ANO5: variants seen among roughly 807,000 people sequenced by gnomAD.
The protein encoded by ANO5 is anoctamin-5.
A neutral mutation model predicts 121.0 loss-of-function variants in ANO5; 109 were observed. That is an observed-to-expected ratio of 0.90 (90% CI 0.77 to 1.06). ANO5 has a LOEUF of 1.06. ANO5 is among the 50% of genes least tolerant of loss of function. The probability of loss-of-function intolerance (pLI) is 0.00; values close to 1 mark genes in which losing one functional copy is unlikely to be tolerated. For missense variants in ANO5, 1,064 were observed against 1,078.5 expected, an observed-to-expected ratio of 0.99 and a Z score of 0.19; for synonymous variants, 406 against 359.9, an observed-to-expected ratio of 1.13 and a Z score of -1.45.
chr11:22,249,389 A>G (rs1853724887), intron 9 of ANO5, among the ~76,000 whole-genome samples: 1 of 152,124 alleles, frequency 6.6e-6, no homozygotes, highest in African/African-American at 2.4e-5. Context: ...ACTAGAACAC[A>G]AAAGGTATCA....
At chr11:22,263,064 TTTTA>T in intron 17 of ANO5, 21 bp downstream of exon 17, 1 of 1,559,708 alleles carries the variant, frequency 6.4e-7, no homozygotes, top group Non-Finnish European at 8.8e-7. Context: ...CTTACAAGCT[TTTTA>T]TTTGATTTAA....
At chr11:22,226,631 A>G (rs1272559280) in intron 6 of ANO5, among the ~76,000 whole-genome samples, 1 of 152,112 alleles carries the variant, frequency 6.6e-6, no homozygotes, top group East Asian at 1.9e-4. Context: ...AGGCCAAAGC[A>G]GGAGGATTGC....
rs528799537 is a variant in ANO5 at position 22,198,193 on chromosome 11, C to T, written c.40+4661C>T. 3.3e-5 allele frequency among the ~76,000 whole-genome samples: 5 copies of T among 152,276 alleles called. No homozygotes were observed. In the South Asian group the frequency reaches 1.0e-3, roughly 32 times the overall value. Reference sequence around the variant, plus strand: ...TTGACAAAATGTGTCTCTGTTGGTTCTCTGGAGCTGACAGTCTTGTGGAGG... The same window carrying T: ...TTGACAAAATGTGTCTCTGTTGGTTTTCTGGAGCTGACAGTCTTGTGGAGG... On this transcript the variant is annotated intron_variant, in intron 1 of 21. Coordinates refer to ENST00000324559, the MANE Select transcript of ANO5 (RefSeq NM_213599.3).
At chr11:22,212,906 T>C (rs969233858) in intron 3 of ANO5, among the ~76,000 whole-genome samples, 49 of 151,540 alleles carry the variant, frequency 3.2e-4, no homozygotes, top group African/African-American at 1.1e-3. Context: ...GCAGATACTT[T>C]CCTCAAATAT....
chr11:22,221,204 A>G lies in ANO5; in HGVS notation c.288A>G (p.Leu96=). ...YVDDVKKDAE[L]KAERRKEFET... ...ATGATGTAAAGAAAGACGCAGAGTT[A>G]AAGGCGGTAAGTGCATTATAACAGA... is the stretch of plus-strand genomic sequence containing the variant. Residue 96 remains leucine (L), a synonymous_variant, in exon 5 of 22, where the codon TTA becomes TTG. Coordinates refer to ENST00000324559, the MANE Select transcript of ANO5 (RefSeq NM_213599.3). The G allele has an allele frequency of 6.2e-7, 1 of 1,603,342 alleles. No homozygotes were observed. Among genetic ancestry groups the G allele is most frequent in the Non-Finnish European group, 8.5e-7 (1 of 1,171,034 alleles).
chr11:22,239,031 G>T (rs1853332645), intron 8 of ANO5, among the ~76,000 whole-genome samples: 2 of 152,098 alleles, frequency 1.3e-5, no homozygotes, highest in South Asian at 4.1e-4. Context: ...CTAACAATGG[G>T]AAAAGAACTT....
chr11:22,258,730 G>A (rs1210301766), intron 14 of ANO5, among the ~76,000 whole-genome samples: 1 of 152,196 alleles, frequency 6.6e-6, no homozygotes, highest in Admixed American at 6.5e-5. Flanking sequence ...TCAATGTAGA[G>A]CATGAGTCAG....
intron 3 of ANO5, among the ~76,000 whole-genome samples, chr11:22,216,853 TG>T (rs1852462683): frequency 6.6e-6 from 1 of 151,894 alleles, no homozygotes. Flanking sequence ...AGTCATAATG[TG>T]GCCCTGCATG....
intron 9 of ANO5, 53 bp downstream of exon 9, chr11:22,239,737 A>C (rs1853363749): frequency 7.3e-7 from 1 of 1,360,946 alleles, no homozygotes; most frequent in African/African-American, 1.4e-5. Context: ...TGTGATTTTT[A>C]TTCACAATGG....
At chr11:22,197,496 C>A (rs1014879531) in intron 1 of ANO5, among the ~76,000 whole-genome samples, 1 of 152,098 alleles carries the variant, frequency 6.6e-6, no homozygotes, top group African/African-American at 2.4e-5. Flanking sequence ...GAGACTTTAG[C>A]ATTGGAAAAG....
intron 18 of ANO5, among the ~76,000 whole-genome samples, chr11:22,272,196 TA>T (rs1475431380): frequency 6.6e-6 from 1 of 152,056 alleles, no homozygotes; most frequent in African/African-American, 2.4e-5. Context: ...TGTTGAGTCT[TA>T]ATGAGGAGAG....
chr11:22,203,363 C>T (rs146230144), intron 1 of ANO5, among the ~76,000 whole-genome samples: 68 of 152,084 alleles, frequency 4.5e-4, no homozygotes, highest in African/African-American at 1.6e-3. Context: ...AGTACTCTGG[C>T]CTGTGTAGAA....
intron 1 of ANO5, among the ~76,000 whole-genome samples, chr11:22,197,089 A>G (rs1462967523): frequency 6.6e-6 from 1 of 152,174 alleles, no homozygotes; most frequent in East Asian, 1.9e-4. Flanking sequence ...TTAAATACTG[A>G]ATATGAGAGT....
intron 8 of ANO5, among the ~76,000 whole-genome samples, chr11:22,236,520 A>G (rs1362566559): frequency 6.6e-6 from 1 of 152,170 alleles, no homozygotes; most frequent in Admixed American, 6.5e-5. Context: ...ATGACTTTTT[A>G]TTAGAACCCA....
In ANO5 at chr11:22,279,698, C is replaced by T. The variant is rs754663101; in HGVS notation, c.2675C>T (p.Ser892Phe). The part of the protein sequence containing the change: ...NKLKENLGIN[S>F]NEFAKHVMIE... ...TTAAAAGAGAACTTGGGAATTAATT[C>T]TAATGAATTTGCCAAGCATGTCATG... is the stretch of plus-strand genomic sequence containing the variant. Residue 892 changes from serine (S) to phenylalanine (F), a missense_variant, in exon 22 of 22, where the codon TCT becomes TTT. Coordinates refer to ENST00000324559, the MANE Select transcript of ANO5 (RefSeq NM_213599.3). 16 of 1,612,640 alleles carry T rather than the reference C, an allele frequency of 9.9e-6. No homozygotes were observed. The highest frequency in any genetic ancestry group is 1.3e-5 in the African/African-American group (1 of 74,804).
At position 22,230,986 on chromosome 11, in the gene ANO5, C is replaced by T. The variant is rs182847882; in HGVS notation, c.648+3400C>T. ...GGTCTTCCTACCCGTGCTTTTGCTA[C>T]TCTCTAATATAGACATCCAGAATGA... On this transcript the variant is annotated intron_variant, in intron 7 of 21. Transcript: ENST00000324559. Among the ~76,000 whole-genome samples the T allele has an allele frequency of 8.5e-5, 13 of 152,050 alleles. No individual in the cohort carries two copies. The East Asian group carries it at 2.5e-3, about 29-fold the overall frequency.
At chr11:22,213,815 T>A (rs1852357100) in intron 3 of ANO5, among the ~76,000 whole-genome samples, 2 of 152,056 alleles carry the variant, frequency 1.3e-5, no homozygotes, top group Non-Finnish European at 2.9e-5. Context: ...TTTTATACTT[T>A]ATGTTATAAA....
Position 22,193,264 on chromosome 11 carries a change from G to A in ANO5, c.-229G>A, listed in dbSNP as rs1590202266. 16 of 1,157,226 alleles carry A rather than the reference G, an allele frequency of 1.4e-5. No homozygotes were observed. The highest frequency in any genetic ancestry group is 1.1e-4 in the East Asian group (3 of 26,284). 71.7% of individuals were successfully genotyped at this position (1,157,226 alleles called of 1,614,324 possible). On this transcript the variant is annotated 5_prime_UTR_variant, in exon 1 of 22. Coordinates refer to ENST00000324559, the MANE Select transcript of ANO5 (RefSeq NM_213599.3). ...TTGTGGGGGACCGGGTCGAGTGGAA[G>A]TACCCGCCGGAGAGGAAGGCCGGCT...
At chr11:22,278,757 T>C (rs569334286) in intron 21 of ANO5, among the ~76,000 whole-genome samples, 1 of 151,896 alleles carries the variant, frequency 6.6e-6, no homozygotes, top group Non-Finnish European at 1.5e-5. Flanking sequence ...AATAGTTATT[T>C]TTCCCAGAGA....
Sources: allele counts gnomAD v4.1 joint callset (sites outside exome capture counted in the v4.1 genomes callset), GRCh38; gene constraint gnomAD v4.1.1; transcripts MANE v1.5; gene names NCBI Gene and HGNC (gene_info 2026-07-23, HGNC 2026-07-21).